Variants in RIMS1 observed in about 807,000 individuals in gnomAD.
The protein encoded by RIMS1 is regulating synaptic membrane exocytosis 1, also known as regulating synaptic membrane exocytosis protein 1.
In RIMS1, 83 loss-of-function variants were observed where a neutral mutation model predicts 214.1. That is an observed-to-expected ratio of 0.39 (90% CI 0.32 to 0.47). The LOEUF is 0.47. Ranked by LOEUF, RIMS1 falls within the 20% of genes least tolerant of loss-of-function variation. RIMS1 has a pLI of 0.99. For missense variants in RIMS1, 2,050 were observed against 2,161.8 expected, an observed-to-expected ratio of 0.95 and a Z score of 1.03; for synonymous variants, 793 against 786.8, an observed-to-expected ratio of 1.01 and a Z score of -0.13.
intron 1 of RIMS1, among the ~76,000 whole-genome samples, chr6:71,939,007 A>T (rs1785266373): frequency 6.6e-6 from 1 of 152,192 alleles, no homozygotes; most frequent in Admixed American, 6.5e-5. Context: ...AGTTAAAAGA[A>T]GCCACCCAGC....
At chr6:72,222,476 TTTAAA>T (rs2058794995) in intron 6 of RIMS1, among the ~76,000 whole-genome samples, 1 of 152,120 alleles carries the variant, frequency 6.6e-6, no homozygotes, top group Non-Finnish European at 1.5e-5. Context: ...GCATTTAATC[TTTAAA>T]TTAAATTCAT....
chr6:72,164,160 G>A (rs569458078), intron 4 of RIMS1, among the ~76,000 whole-genome samples: 50 of 152,272 alleles, frequency 3.3e-4, no homozygotes, highest in Non-Finnish European at 5.1e-4. Flanking sequence ...AGCAATGAGC[G>A]AGACTCCGTG....
intron 6 of RIMS1, among the ~76,000 whole-genome samples, chr6:72,190,911 A>G (rs1189015586): frequency 6.6e-6 from 1 of 152,204 alleles, no homozygotes; most frequent in Non-Finnish European, 1.5e-5. Context: ...ACAGGCCAAG[A>G]GGCTGTCTCT....
At chr6:72,268,326 C>A (rs1380599013) in intron 22 of RIMS1, among the ~76,000 whole-genome samples, 1 of 151,946 alleles carries the variant, frequency 6.6e-6, no homozygotes, top group South Asian at 2.1e-4. Context: ...TCTAATTTAC[C>A]GCAGGGATTA....
At chr6:72,242,256 A>G in intron 9 of RIMS1, 58 bp from the exon 10 acceptor site, 2 of 1,294,086 alleles carry the variant, frequency 1.5e-6, no homozygotes, top group South Asian at 1.4e-5. Flanking sequence ...AAGAGAAAAG[A>G]TACGAAAAAT....
At chr6:72,224,222 T>G (rs1415333196) in intron 6 of RIMS1, among the ~76,000 whole-genome samples, 1 of 152,204 alleles carries the variant, frequency 6.6e-6, no homozygotes. Flanking sequence ...CATGGTTGTT[T>G]GATGGTGGGA....
intron 1 of RIMS1, among the ~76,000 whole-genome samples, chr6:71,896,004 G>A (rs997558675): frequency 6.6e-6 from 1 of 152,036 alleles, no homozygotes; most frequent in African/African-American, 2.4e-5. Context: ...GGCTATCTCT[G>A]TATTGCAATA....
At chr6:71,950,720 T>A (rs1488710991) in intron 1 of RIMS1, among the ~76,000 whole-genome samples, 1 of 152,214 alleles carries the variant, frequency 6.6e-6, no homozygotes, top group African/African-American at 2.4e-5. Context: ...TAAAATAGCT[T>A]GTTTCCCTCC....
intron 4 of RIMS1, among the ~76,000 whole-genome samples, chr6:72,150,850 G>T (rs1303409490): frequency 6.6e-6 from 1 of 152,132 alleles, no homozygotes; most frequent in Non-Finnish European, 1.5e-5. Flanking sequence ...AGGGCCACAA[G>T]TTCCAGATTA....
intron 4 of RIMS1, among the ~76,000 whole-genome samples, chr6:72,144,236 A>G (rs2153887949): frequency 6.6e-6 from 1 of 152,326 alleles, no homozygotes; most frequent in African/African-American, 2.4e-5. Flanking sequence ...TTTACTCAAG[A>G]TTACTTCTTG....
chr6:72,009,502 C>CA (rs1350145744), intron 2 of RIMS1, among the ~76,000 whole-genome samples: 40 of 151,862 alleles, frequency 2.6e-4, no homozygotes, highest in African/African-American at 8.0e-4. Context: ...AATAGAGACA[C>CA]AAAAAACCTT....
At chr6:72,261,363 C>T (rs1367484324) in intron 19 of RIMS1, 1 of 987,918 alleles carries the variant, frequency 1.0e-6, no homozygotes, top group African/African-American at 1.7e-5. Context: ...TACAAACTTT[C>T]CCACAAAGGC....
intron 1 of RIMS1, among the ~76,000 whole-genome samples, chr6:71,932,834 A>G (rs556803058): frequency 6.6e-6 from 1 of 152,262 alleles, no homozygotes; most frequent in East Asian, 1.9e-4. Flanking sequence ...GAAACTTCAT[A>G]AAAGTGACAT....
intron 16 of RIMS1, among the ~76,000 whole-genome samples, chr6:72,254,451 C>T (rs1448682599): frequency 6.6e-6 from 1 of 152,050 alleles, no homozygotes; most frequent in Non-Finnish European, 1.5e-5. Context: ...AATTTAAATT[C>T]ATTTGGGATA....
Position 72,228,166 on chromosome 6 carries a change from C to T in RIMS1, c.1679-5607C>T, listed in dbSNP as rs553975536. Among the ~76,000 whole-genome samples the T allele has an allele frequency of 2.0e-5, 3 of 151,954 alleles. 1 individual carries two copies. Among genetic ancestry groups the T allele is most frequent in the African/African-American group, 7.2e-5 (3 of 41,530 alleles). The stretch of plus-strand genomic sequence containing the variant: ...TCTTTTTTGTAATAAGAACACTTAA[C>T]GTTAAGATTTACCTTCTTAGCAAAT... On this transcript the variant is annotated intron_variant, in intron 6 of 33. Coordinates refer to ENST00000521978, the MANE Select transcript of RIMS1 (RefSeq NM_014989.7).
chr6:72,229,951 T>TTG (rs1188656321), intron 6 of RIMS1, among the ~76,000 whole-genome samples: 3 of 151,860 alleles, frequency 2.0e-5, no homozygotes, highest in Non-Finnish European at 4.4e-5. Flanking sequence ...AGTTGGCTTT[T>TTG]TGTGTATGCA....
chr6:72,024,700 C>T (rs1465607988), intron 2 of RIMS1, among the ~76,000 whole-genome samples: 1 of 151,962 alleles, frequency 6.6e-6, no homozygotes, highest in Non-Finnish European at 1.5e-5. Context: ...ACTTACAAAG[C>T]CTACTCTATA....
intron 2 of RIMS1, among the ~76,000 whole-genome samples, chr6:72,055,720 T>C (rs1385256134): frequency 6.6e-6 from 1 of 152,188 alleles, no homozygotes; most frequent in Non-Finnish European, 1.5e-5. Flanking sequence ...TGAGATATCA[T>C]CTCACTTCAG....
At chr6:72,335,014 T>C (rs1489507405) in intron 29 of RIMS1, among the ~76,000 whole-genome samples, 1 of 151,920 alleles carries the variant, frequency 6.6e-6, no homozygotes, top group Non-Finnish European at 1.5e-5. Flanking sequence ...TTGTTTCTTT[T>C]GTTTAAATTT....
Sources: gnomAD v4.1 joint callset for allele counts (sites outside exome capture counted in the v4.1 genomes callset) on GRCh38, gnomAD v4.1.1 for gene constraint, MANE v1.5 for transcripts, NCBI Gene and HGNC (gene_info 2026-07-23, HGNC 2026-07-21) for gene names.